KCNK9: variants seen among roughly 807,000 people sequenced by gnomAD.
KCNK9 encodes potassium channel subfamily K member 9.
A neutral mutation model predicts 10.8 loss-of-function variants in KCNK9; 1 was observed. That is an observed-to-expected ratio of 0.09 (90% CI 0.03 to 0.44). KCNK9 has a LOEUF of 0.44. Among genes scored for constraint, KCNK9 ranks in the 20% least tolerant of loss-of-function variants. The probability of loss-of-function intolerance (pLI) is 0.97; values close to 1 mark genes in which losing one functional copy is unlikely to be tolerated. For synonymous variants in KCNK9, 231 were observed against 222.7 expected (o/e 1.04, Z -0.33); for missense variants, 303 against 515.0 (o/e 0.59, Z 3.98).
chr8:139,649,010 C>G (rs895292426), intron 1 of KCNK9, among the ~76,000 whole-genome samples: 10 of 152,208 alleles, frequency 6.6e-5, no homozygotes, highest in Non-Finnish European at 1.5e-5. Context: ...TCTATGAACA[C>G]TCTTTCAAAA....
Position 139,702,371 on chromosome 8 carries a change from G to A in KCNK9, c.283+339C>T, listed in dbSNP as rs1817245132. On this transcript the variant is annotated intron_variant, in intron 1 of 1. Coordinates refer to ENST00000520439, the MANE Select transcript of KCNK9 (RefSeq NM_001282534.2). The surrounding 1 kb of genome is among the most constrained non-coding windows in gnomAD (Gnocchi z 7.5). The stretch of plus-strand genomic sequence containing the variant: ...GCAGCCCAGCCCGCGCCGGGGCGGT[G>A]GGTGGGTGGGTGTCTGCTATGGGAT... Among the ~76,000 whole-genome samples the A allele has an allele frequency of 6.6e-6, 1 of 151,838 alleles. No homozygotes were observed. Among genetic ancestry groups the A allele is most frequent in the African/African-American group, 2.4e-5 (1 of 41,334 alleles).
At chr8:139,635,704 T>C (rs1333496941) in intron 1 of KCNK9, among the ~76,000 whole-genome samples, 2 of 152,136 alleles carry the variant, frequency 1.3e-5, no homozygotes, top group African/African-American at 4.8e-5. Context: ...ACTTGCTCAC[T>C]GAAGAGAATC....
At chr8:139,626,209 G>A (rs913981845) in intron 1 of KCNK9, among the ~76,000 whole-genome samples, 1 of 152,182 alleles carries the variant, frequency 6.6e-6, no homozygotes, top group African/African-American at 2.4e-5. Flanking sequence ...GGCTCCCCAT[G>A]TCCCCCCTGG....
intron 1 of KCNK9, among the ~76,000 whole-genome samples, chr8:139,671,994 T>A (rs1460933788): frequency 6.6e-6 from 1 of 152,162 alleles, no homozygotes; most frequent in Admixed American, 6.5e-5. Context: ...CACTCGCAGT[T>A]CCCGCCCTGA....
intron 1 of KCNK9, among the ~76,000 whole-genome samples, chr8:139,664,210 C>T (rs1008695679): frequency 6.6e-6 from 1 of 152,214 alleles, no homozygotes; most frequent in Non-Finnish European, 1.5e-5. Flanking sequence ...TCTTTCAGGT[C>T]CTTCGTCTCC....
intron 1 of KCNK9, among the ~76,000 whole-genome samples, chr8:139,691,030 C>CT (rs1481154323): frequency 5.9e-5 from 9 of 152,232 alleles, no homozygotes; most frequent in Non-Finnish European, 1.3e-4. Flanking sequence ...CTACCACTGC[C>CT]TGACCCACAC....
At chr8:139,668,167 T>G (rs1816344280) in intron 1 of KCNK9, among the ~76,000 whole-genome samples, 1 of 152,168 alleles carries the variant, frequency 6.6e-6, no homozygotes, top group Non-Finnish European at 1.5e-5. Context: ...CTTTTGCATT[T>G]GCTGAGGAAT....
At chr8:139,697,737 G>A (rs1370862333) in intron 1 of KCNK9, among the ~76,000 whole-genome samples, 1 of 152,058 alleles carries the variant, frequency 6.6e-6, no homozygotes, top group Admixed American at 6.5e-5. Flanking sequence ...CACCATGCTG[G>A]GTGTCTCCGC....
intron 1 of KCNK9, among the ~76,000 whole-genome samples, chr8:139,655,033 G>A (rs983460698): frequency 4.6e-5 from 7 of 152,148 alleles, no homozygotes; most frequent in East Asian, 3.8e-4. Flanking sequence ...GGCGGGGGGC[G>A]GGCGCTGGGG....
At chr8:139,701,837 G>A (rs1226572802) in intron 1 of KCNK9, among the ~76,000 whole-genome samples, 1 of 152,214 alleles carries the variant, frequency 6.6e-6, no homozygotes, top group African/African-American at 2.4e-5. Context: ...CACTGCCCTC[G>A]GGACCGACCA....
intron 1 of KCNK9, among the ~76,000 whole-genome samples, chr8:139,668,364 T>C (rs1481981813): frequency 6.6e-6 from 1 of 152,096 alleles, no homozygotes; most frequent in East Asian, 1.9e-4. Flanking sequence ...ATGTACACTG[T>C]ATTTTTAGAC....
intron 1 of KCNK9, among the ~76,000 whole-genome samples, chr8:139,649,092 G>A (rs528998155): frequency 1.3e-5 from 2 of 152,208 alleles, no homozygotes; most frequent in African/African-American, 4.8e-5. Context: ...CATCCCCGAC[G>A]CCGTGGCCTC....
chr8:139,619,329 C>T (rs981599759), intron 1 of KCNK9, among the ~76,000 whole-genome samples: 5 of 151,856 alleles, frequency 3.3e-5, no homozygotes, highest in Admixed American at 1.3e-4. Flanking sequence ...GGGGTAGGAA[C>T]ATTTCAGTAG....
Position 139,662,713 on chromosome 8 carries a change from T to G in KCNK9, c.283+39997A>C, listed in dbSNP as rs553207095. On this transcript the variant is annotated intron_variant, in intron 1 of 1. Coordinates refer to ENST00000520439, the MANE Select transcript of KCNK9 (RefSeq NM_001282534.2). ...CAGCCACAGCCATTTTCAACCCAAC[T>G]CCATATTTCATGAGCACCCACCCTG... Among the ~76,000 whole-genome samples, 106 of 151,540 alleles carry G rather than the reference T, an allele frequency of 7.0e-4. 1 individual carries two copies. The highest frequency in any genetic ancestry group is 2.5e-3 in the African/African-American group (103 of 41,288).
At chr8:139,694,965 T>A (rs1817016772) in intron 1 of KCNK9, among the ~76,000 whole-genome samples, 1 of 152,208 alleles carries the variant, frequency 6.6e-6, no homozygotes, top group Non-Finnish European at 1.5e-5. Flanking sequence ...TCAGGCCCAG[T>A]GGCTGACATC....
At chr8:139,604,599 G>A (rs942333185) in intron 2 of KCNK9, among the ~76,000 whole-genome samples, 52 of 152,274 alleles carry the variant, frequency 3.4e-4, no homozygotes, top group Non-Finnish European at 3.8e-4. Context: ...AAAGCAATCC[G>A]TCCTTATTTA....
intron 1 of KCNK9, 121 bp from the exon 2 acceptor site, chr8:139,619,220 T>C: frequency 8.8e-7 from 1 of 1,136,960 alleles, no homozygotes; most frequent in Non-Finnish European, 1.3e-6. Context: ...ACTGGGGGAA[T>C]TTCCTCTGCA....
chr8:139,635,961 A>G (rs1202309511), intron 1 of KCNK9, among the ~76,000 whole-genome samples: 1 of 152,210 alleles, frequency 6.6e-6, no homozygotes, highest in Admixed American at 6.5e-5. Flanking sequence ...ATAAGCTTCA[A>G]GTAGATGTGG....
chr8:139,635,710 G>GAATC (rs1169220086), intron 1 of KCNK9, among the ~76,000 whole-genome samples: 3 of 152,062 alleles, frequency 2.0e-5, no homozygotes, highest in Non-Finnish European at 4.4e-5. Flanking sequence ...TCACTGAAGA[G>GAATC]AATCACAAAA....
Sources: gnomAD v4.1 joint callset for allele counts (sites outside exome capture counted in the v4.1 genomes callset) on GRCh38, gnomAD v4.1.1 for gene constraint, Gnocchi (gnomAD v3.1) non-coding constraint, MANE v1.5 for transcripts, NCBI Gene and HGNC (gene_info 2026-07-23, HGNC 2026-07-21) for gene names.